Variants in PRR11 observed in about 807,000 individuals in gnomAD.
The protein encoded by PRR11 is proline-rich protein 11.
A neutral mutation model predicts 45.6 loss-of-function variants in PRR11; 30 were observed. The ratio of observed to expected loss-of-function variants is 0.66; its 90% CI spans 0.49 to 0.89. The LOEUF (loss-of-function observed/expected upper bound fraction) is 0.89. PRR11 is among the 40% of genes least tolerant of loss of function. PRR11 has a pLI of 0.00. For missense variants in PRR11, 373 were observed against 424.8 expected, an observed-to-expected ratio of 0.88 and a Z score of 1.07; for synonymous variants, 128 against 153.5, an observed-to-expected ratio of 0.83 and a Z score of 1.23.
At chr17:59,177,167 A>G (rs2046752042) in intron 2 of PRR11, 2 of 550,422 alleles carry the variant, frequency 3.6e-6, no homozygotes, top group African/African-American at 3.8e-5. Flanking sequence ...CAAACCACTC[A>G]CAGAGCCAGG....
chr17:59,196,842 C>A (rs1185168193), intron 7 of PRR11, among the ~76,000 whole-genome samples: 1 of 151,942 alleles, frequency 6.6e-6, no homozygotes, highest in African/African-American at 2.4e-5. Context: ...CCATCGGCAT[C>A]TACTGCTATT....
chr17:59,178,877 A>G (rs548413983), intron 2 of PRR11, among the ~76,000 whole-genome samples: 3 of 152,342 alleles, frequency 2.0e-5, no homozygotes, highest in East Asian at 3.9e-4. Flanking sequence ...GGGTGTGACT[A>G]TGGCCTAGGT....
In PRR11 at chr17:59,175,150, C is replaced by T. The variant is rs779852528; in HGVS notation, c.128+5270C>T. ...TAGCTGGGGACAGAAATCAGGTTGC[C>T]GCTCAGGGACACCACCAGGAGAGAC... On this transcript the variant is annotated intron_variant, in intron 2 of 9. Transcript: ENST00000262293. 70 of 537,810 alleles carry T rather than the reference C, an allele frequency of 1.3e-4. 16 individuals carry two copies. The highest frequency in any genetic ancestry group is 2.0e-4 in the Non-Finnish European group (60 of 300,618). The allele number at this position is 537,810 out of a possible 1,614,324, so 33.3% of individuals were successfully genotyped here. A position where few individuals can be genotyped will look rare whatever the true frequency, so the allele number is the denominator to read the frequency against.
At chr17:59,164,511 A>G (rs1263620681) in intron 1 of PRR11, among the ~76,000 whole-genome samples, 2 of 151,952 alleles carry the variant, frequency 1.3e-5, no homozygotes, top group African/African-American at 4.8e-5. Flanking sequence ...GCAACAGAAA[A>G]AGAATGGGGG....
At chr17:59,198,377 T>TA (rs1190392179) in intron 9 of PRR11, among the ~76,000 whole-genome samples, 2 of 151,046 alleles carry the variant, frequency 1.3e-5, no homozygotes, top group South Asian at 2.1e-4. Flanking sequence ...CTGTCTCCAC[T>TA]AAAAAAATAC....
chr17:59,173,538 G>A (rs142714781), intron 2 of PRR11, among the ~76,000 whole-genome samples: 1 of 152,044 alleles, frequency 6.6e-6, no homozygotes, highest in Non-Finnish European at 1.5e-5. Context: ...CCTGCCTTAA[G>A]AGCTGTAACA....
At chr17:59,166,494 C>A (rs1032950431) in intron 1 of PRR11, among the ~76,000 whole-genome samples, 10 of 151,922 alleles carry the variant, frequency 6.6e-5, no homozygotes, top group African/African-American at 2.4e-4. Flanking sequence ...TGTACCACAG[C>A]AAGAAGGACC....
rs755596512 is a variant in PRR11, at chr17:59,180,010, G to A, written c.129-5044G>A. On this transcript the variant is annotated intron_variant, in intron 2 of 9. Coordinates refer to ENST00000262293, the MANE Select transcript of PRR11 (RefSeq NM_018304.4). ...GCTGGCTTCTCCAAGCCATCTTTCCGTCTTTCTCCTTTGCTGAACCCCATG... is the reference window on the plus strand; with the variant it reads ...GCTGGCTTCTCCAAGCCATCTTTCCATCTTTCTCCTTTGCTGAACCCCATG... The A allele has an allele frequency of 5.9e-5, 58 of 975,206 alleles. 1 individual carries two copies. Among genetic ancestry groups the A allele is most frequent in the East Asian group, 9.2e-5 (3 of 32,626 alleles). The allele number at this position is 975,206 out of a possible 1,614,324, so 60.4% of individuals were successfully genotyped here.
intron 2 of PRR11, among the ~76,000 whole-genome samples, chr17:59,172,748 C>T (rs2147839408): frequency 6.6e-6 from 1 of 152,370 alleles, no homozygotes; most frequent in East Asian, 1.9e-4. Flanking sequence ...CGGGCCTCAG[C>T]TGCCTCCCCG....
At position 59,195,353 on chromosome 17, in the gene PRR11, G is replaced by A. The variant is rs759139633; in HGVS notation, c.767G>A (p.Arg256Gln). The change falls in exon 7 of 10, where the codon CGG becomes CAG. Residue 256 changes from arginine (R) to glutamine (Q), a missense_variant. Coordinates refer to ENST00000262293, the MANE Select transcript of PRR11 (RefSeq NM_018304.4). ...AAGCTTATACCATCGCCGAAAGCAC[G>A]GAATCCACTAGTTACCGTCTCTGAC... ...KRKLIPSPKA[R>Q]NPLVTVSDLQ... is the part of the protein sequence containing the mutation. 27 of 1,613,492 alleles carry A rather than the reference G, an allele frequency of 1.7e-5. No individual in the cohort carries two copies. Among genetic ancestry groups the A allele is most frequent in the South Asian group, 9.9e-5 (9 of 91,064 alleles).
At chr17:59,187,525 G>C (rs547504661) in intron 4 of PRR11, among the ~76,000 whole-genome samples, 86 of 144,458 alleles carry the variant, frequency 6.0e-4, no homozygotes, top group African/African-American at 2.1e-3. Flanking sequence ...AGCTGAGATC[G>C]CATCACTGCA....
chr17:59,196,625 C>G (rs991681051), intron 7 of PRR11, among the ~76,000 whole-genome samples: 3 of 152,002 alleles, frequency 2.0e-5, no homozygotes, highest in Non-Finnish European at 4.4e-5. Flanking sequence ...GACCCACCCC[C>G]CTCGGCCTCC....
chr17:59,176,069 G>C (rs1207590521), intron 2 of PRR11, among the ~76,000 whole-genome samples: 1 of 152,208 alleles, frequency 6.6e-6, no homozygotes, highest in Non-Finnish European at 1.5e-5. Flanking sequence ...AAAGTTGCAA[G>C]ATGAGGGAAG....
intron 2 of PRR11, among the ~76,000 whole-genome samples, chr17:59,172,297 G>A (rs2046713233): frequency 6.6e-6 from 1 of 152,230 alleles, no homozygotes; most frequent in Admixed American, 6.5e-5. Flanking sequence ...GTGCAGAAAG[G>A]GGTGGAACCA....
intron 7 of PRR11, among the ~76,000 whole-genome samples, chr17:59,196,792 G>C (rs888990122): frequency 6.6e-6 from 1 of 152,164 alleles, no homozygotes; most frequent in Admixed American, 6.6e-5. Context: ...CCTGGGTCAA[G>C]AAGTATTACA....
intron 2 of PRR11, among the ~76,000 whole-genome samples, chr17:59,184,827 G>A (rs1385049629): frequency 1.3e-5 from 2 of 149,174 alleles, no homozygotes; most frequent in Non-Finnish European, 3.0e-5. Flanking sequence ...TCTCTCTTCT[G>A]GCACACCACC....
chr17:59,162,242 A>T (rs2046656384), intron 1 of PRR11, among the ~76,000 whole-genome samples: 1 of 147,808 alleles, frequency 6.8e-6, no homozygotes, highest in South Asian at 2.1e-4. Context: ...ACACACACAC[A>T]CACACACAGA....
At chr17:59,156,926 C>T (rs1460796373) in intron 1 of PRR11, among the ~76,000 whole-genome samples, 1 of 152,196 alleles carries the variant, frequency 6.6e-6, no homozygotes, top group Non-Finnish European at 1.5e-5. Flanking sequence ...CACGCTCGGC[C>T]GCAAAGAACT....
At position 59,197,794 on chromosome 17, in the gene PRR11, C is replaced by A. The variant is rs768380771; in HGVS notation, c.1014+5C>A. ...GCCTTAAGGAGAAAGTTTCAGGTAA[C>A]CCTTTAGGAAAAGAATATTGGTTCC... On this transcript the variant is annotated splice_donor_5th_base_variant and intron_variant, in intron 9 of 9. Coordinates refer to ENST00000262293, the MANE Select transcript of PRR11 (RefSeq NM_018304.4). The A allele has an allele frequency of 5.7e-5, 92 of 1,609,406 alleles. No homozygotes were observed. The highest frequency in any genetic ancestry group is 6.0e-5 in the Non-Finnish European group (70 of 1,176,282).
Sources: allele counts gnomAD v4.1 joint callset (sites outside exome capture counted in the v4.1 genomes callset), GRCh38; gene constraint gnomAD v4.1.1; transcripts MANE v1.5; gene names NCBI Gene and HGNC (gene_info 2026-07-23, HGNC 2026-07-21).